Variants in CCDC13 observed in about 807,000 individuals in gnomAD.
The protein encoded by CCDC13 is coiled-coil domain containing 13, also known as coiled-coil domain-containing protein 13.
A neutral mutation model predicts 87.3 loss-of-function variants in CCDC13; 70 were observed. The ratio of observed to expected loss-of-function variants is 0.80; its 90% CI spans 0.66 to 0.98. The LOEUF (loss-of-function observed/expected upper bound fraction) is 0.98. Ranked by LOEUF, CCDC13 falls within the 50% of genes least tolerant of loss-of-function variation. The probability of loss-of-function intolerance (pLI) is 0.00; values close to 1 mark genes in which losing one functional copy is unlikely to be tolerated. For missense variants in CCDC13, 842 were observed against 892.0 expected (o/e 0.94, Z 0.71); for synonymous variants, 317 against 360.3 (o/e 0.88, Z 1.36).
intron 13 of CCDC13, among the ~76,000 whole-genome samples, chr3:42,728,015 C>T (rs769241300): frequency 1.3e-5 from 2 of 152,134 alleles, no homozygotes; most frequent in African/African-American, 4.8e-5. Flanking sequence ...AGAACAAAGC[C>T]GACTACGTGC....
chr3:42,704,184 GAGA>G (rs974066197), downstream of CCDC13: 3 of 152,318 alleles, frequency 2.0e-5, no homozygotes, highest in Admixed American at 6.5e-5. Context: ...ACGCAGTTGG[GAGA>G]AGAAGGACCT....
intron 13 of CCDC13, among the ~76,000 whole-genome samples, chr3:42,715,585 C>A (rs1381153625): frequency 6.6e-6 from 1 of 151,844 alleles, no homozygotes; most frequent in East Asian, 1.9e-4. Context: ...GCACTCTGGC[C>A]TGGGCAACAG....
chr3:42,739,515 C>A, intron 9 of CCDC13, 119 bp downstream of exon 9: 4 of 1,157,812 alleles, frequency 3.5e-6, no homozygotes, highest in Non-Finnish European at 4.8e-6. Flanking sequence ...AGGCAACGGG[C>A]TTTGGGGTTA....
At chr3:42,740,982 T>C (rs1699197526) in intron 8 of CCDC13, 1 of 152,272 alleles carries the variant, frequency 6.6e-6, no homozygotes, top group African/African-American at 2.4e-5. Context: ...CAGGCTCTTA[T>C]GGGTGCCTGC....
At chr3:42,765,150 G>T (rs1406585738) in intron 1 of CCDC13, among the ~76,000 whole-genome samples, 3 of 152,154 alleles carry the variant, frequency 2.0e-5, no homozygotes, top group African/African-American at 7.2e-5. Context: ...TGTAAAATGG[G>T]ACTCTGATAC....
chr3:42,745,707 G>T (rs1463786487), intron 7 of CCDC13: 1 of 431,522 alleles, frequency 2.3e-6, no homozygotes, highest in East Asian at 3.4e-5. Context: ...CCTGGCATGT[G>T]CTAAGTGTTA....
At chr3:42,709,577 G>A (rs922546537) in intron 15 of CCDC13, 107 bp downstream of exon 15, 1 of 900,576 alleles carries the variant, frequency 1.1e-6, no homozygotes, top group Non-Finnish European at 1.8e-6. Flanking sequence ...CAAGCCTTCT[G>A]GGCAAATGAG....
chr3:42,769,493 T>C (rs1382547565), intron 1 of CCDC13, among the ~76,000 whole-genome samples: 1 of 152,240 alleles, frequency 6.6e-6, no homozygotes, highest in African/African-American at 2.4e-5. Context: ...AGTTTAACAA[T>C]ATATCCACAC....
At chr3:42,745,364 T>C (rs1487356741) in intron 7 of CCDC13, 1 of 153,128 alleles carries the variant, frequency 6.5e-6, no homozygotes, top group African/African-American at 2.4e-5. Flanking sequence ...ATTATACAGA[T>C]GAGGAAACTG....
chr3:42,768,575 C>T (rs866014332), intron 1 of CCDC13, among the ~76,000 whole-genome samples: 1 of 151,918 alleles, frequency 6.6e-6, no homozygotes, highest in Admixed American at 6.6e-5. Flanking sequence ...TGTGCACCTG[C>T]AGTCCCAGCT....
At chr3:42,751,813 T>TCGGCAG (rs1347523093) in intron 5 of CCDC13, 123 bp downstream of exon 5, 1 of 773,568 alleles carries the variant, frequency 1.3e-6, no homozygotes, top group East Asian at 2.5e-5. Flanking sequence ...GGCACCTGGC[T>TCGGCAG]CGGCAGCGGG....
intron 3 of CCDC13, among the ~76,000 whole-genome samples, chr3:42,756,000 A>G (rs1306351050): frequency 1.3e-5 from 2 of 152,224 alleles, no homozygotes; most frequent in Non-Finnish European, 2.9e-5. Flanking sequence ...TGTTTCAGAC[A>G]GAAAAGGCCA....
At chr3:42,770,085 G>T (rs1424188935) in intron 1 of CCDC13, among the ~76,000 whole-genome samples, 1 of 152,252 alleles carries the variant, frequency 6.6e-6, no homozygotes, top group Non-Finnish European at 1.5e-5. Flanking sequence ...CCTCCGCCTG[G>T]GGCCCTGGTG....
intron 1 of CCDC13, among the ~76,000 whole-genome samples, chr3:42,772,194 T>C (rs1428440429): frequency 2.1e-5 from 3 of 140,436 alleles, no homozygotes. Context: ...CGCTTGAACC[T>C]GGGAGGCAGA....
At chr3:42,743,204 G>A (rs1325561079) in intron 7 of CCDC13, 147 bp from the exon 8 acceptor site, 1 of 800,748 alleles carries the variant, frequency 1.2e-6, no homozygotes, top group African/African-American at 1.7e-5. Flanking sequence ...CTAGGGGTGG[G>A]GGACAATCTG....
chr3:42,764,665 C>A (rs971203017), intron 1 of CCDC13, among the ~76,000 whole-genome samples: 7 of 152,160 alleles, frequency 4.6e-5, no homozygotes, highest in Admixed American at 4.6e-4. Flanking sequence ...GGATTAAGCC[C>A]AGTGGCATCT....
At chr3:42,757,541 C>G (rs1009779498) in intron 2 of CCDC13, among the ~76,000 whole-genome samples, 2 of 152,142 alleles carry the variant, frequency 1.3e-5, no homozygotes, top group Non-Finnish European at 2.9e-5. Context: ...AAGAAAGACC[C>G]TGTCTCTAAA....
At chr3:42,710,316 C>T (rs1222555911) in intron 14 of CCDC13, among the ~76,000 whole-genome samples, 1 of 151,922 alleles carries the variant, frequency 6.6e-6, no homozygotes, top group Non-Finnish European at 1.5e-5. Context: ...GTTGGCTAGG[C>T]CTCCCAAAGT....
In CCDC13 at chr3:42,707,432, C is replaced by A. The variant is rs1160066017; in HGVS notation, c.*1548G>T. Among the ~76,000 whole-genome samples the A allele has an allele frequency of 1.3e-5, 2 of 152,178 alleles. No homozygotes were observed. Among genetic ancestry groups the A allele is most frequent in the African/African-American group, 4.8e-5 (2 of 41,440 alleles). On this transcript the variant is annotated 3_prime_UTR_variant, in exon 16 of 16. Transcript: ENST00000310232. ...TGGGATCTCTAGATCCGTGTGACCC[C>A]ATGCAGGGTCAGGGGCTCCCTGAGG...
Sources: allele counts gnomAD v4.1 joint callset (sites outside exome capture counted in the v4.1 genomes callset), GRCh38; gene constraint gnomAD v4.1.1; transcripts MANE v1.5; gene names NCBI Gene and HGNC (gene_info 2026-07-23, HGNC 2026-07-21).